The following STXBP3 variants were observed in gnomAD, a reference collection of about 807,000 sequenced individuals.
STXBP3 encodes the protein syntaxin-binding protein 3.
Under a neutral mutation model 85.7 loss-of-function variants are expected in STXBP3, and 41 were observed. The observed-to-expected ratio is 0.48, with a 90% CI of 0.37 to 0.62. The LOEUF (loss-of-function observed/expected upper bound fraction) is 0.62. STXBP3 is among the 20% of genes least tolerant of loss of function. STXBP3 has a pLI of 0.00. For synonymous variants in STXBP3, 229 were observed against 231.7 expected, an observed-to-expected ratio of 0.99 and a Z score of 0.10; for missense variants, 563 against 703.1, an observed-to-expected ratio of 0.80 and a Z score of 2.25.
At position 108,778,912 on chromosome 1, in the gene STXBP3, A is replaced by G. The variant is rs116580940; in HGVS notation, c.685-374A>G. Among the ~76,000 whole-genome samples, 1,143 of 152,292 alleles carry G rather than the reference A, an allele frequency of 7.5e-3. 13 individuals carry two copies. Among genetic ancestry groups the G allele is most frequent in the African/African-American group, 0.026 (1,093 of 41,568 alleles). On this transcript the variant is annotated intron_variant, in intron 8 of 18. Transcript: ENST00000370008. ...CATATCTGGAAAGTCAGCCCTTCAT[A>G]CACGCAGGTTTCACATCCTGCAAAT...
intron 6 of STXBP3, among the ~76,000 whole-genome samples, chr1:108,768,573 A>C (rs1435913455): frequency 6.6e-6 from 1 of 152,168 alleles, no homozygotes; most frequent in Non-Finnish European, 1.5e-5. Context: ...TAAGAGGTGA[A>C]GGAATGAAAG....
intron 11 of STXBP3, among the ~76,000 whole-genome samples, chr1:108,791,819 C>G (rs565110201): frequency 1.3e-5 from 2 of 152,266 alleles, no homozygotes; most frequent in Admixed American, 6.5e-5. Flanking sequence ...TTAACTCAGT[C>G]CCCATCCCCT....
chr1:108,771,628 CATATATAA>C (rs1166301376), intron 6 of STXBP3, among the ~76,000 whole-genome samples: 4 of 14,034 alleles, frequency 2.9e-4, no homozygotes, highest in African/African-American at 5.5e-4. Context: ...ATCTATATAT[CATATATAA>C]ATATATATGA....
intron 18 of STXBP3, among the ~76,000 whole-genome samples, chr1:108,807,864 A>T (rs1373279912): frequency 6.6e-6 from 1 of 152,170 alleles, no homozygotes; most frequent in African/African-American, 2.4e-5. Flanking sequence ...GACATGAGCC[A>T]CCGCACCCAG....
At position 108,807,431 on chromosome 1, in the gene STXBP3, A is replaced by G. The variant is rs1403667044; in HGVS notation, c.1566A>G (p.Leu522=). The change falls in exon 18 of 19, where the codon TTA becomes TTG. Residue 522 remains leucine (L), a synonymous_variant. Coordinates refer to ENST00000370008, the MANE Select transcript of STXBP3 (RefSeq NM_007269.4). ...GCCAGAAACCCAGAGCTAATTATTT[A>G]GAAGACCGAAAAAATGGGTCAAAGC... ...SARQKPRANY[L]EDRKNGSKLI... is the part of the protein sequence containing the mutation. 6.2e-7 allele frequency: 1 copy of G among 1,611,980 alleles called. No homozygotes were observed. Among genetic ancestry groups the G allele is most frequent in the South Asian group, 1.1e-5 (1 of 90,174 alleles).
chr1:108,791,986 G>A (rs990721750), intron 11 of STXBP3, among the ~76,000 whole-genome samples: 9 of 152,138 alleles, frequency 5.9e-5, no homozygotes, highest in South Asian at 2.1e-4. Context: ...TTATTGCTGA[G>A]TAGTATTCCA....
In STXBP3 at chr1:108,765,591, T is replaced by TTTTTTTTTC. The variant is rs796642937; in HGVS notation, c.438+5507_438+5508insTTTTTTTCT. 4.0e-4 allele frequency among the ~76,000 whole-genome samples: 49 copies of TTTTTTTTTC among 122,644 alleles called. 7 individuals are homozygous for TTTTTTTTTC. The highest frequency in any genetic ancestry group is 4.9e-4 in the South Asian group (2 of 4,092). 80.5% of individuals were successfully genotyped at this position (122,644 alleles called of 152,430 possible). ...GCTAATTTTTTTTTTTTTTTTTTTT[T>TTTTTTTTTC]TGAGACGGAGTCTCATTCCATCATC... On this transcript the variant is annotated intron_variant, in intron 6 of 18. Transcript: ENST00000370008.
chr1:108,795,504 G>GA (rs1049469356), intron 13 of STXBP3, among the ~76,000 whole-genome samples: 25 of 142,162 alleles, frequency 1.8e-4, no homozygotes, highest in Admixed American at 2.8e-4. Flanking sequence ...AAAAAAAAAA[G>GA]AAAAAAAAAA....
intron 1 of STXBP3, among the ~76,000 whole-genome samples, chr1:108,747,382 C>T (rs990273212): frequency 6.6e-6 from 1 of 152,142 alleles, no homozygotes; most frequent in Non-Finnish European, 1.5e-5. Context: ...CGGTGTCCAG[C>T]CGTGACATCT....
At chr1:108,771,071 T>A (rs1045860816) in intron 6 of STXBP3, among the ~76,000 whole-genome samples, 5 of 152,000 alleles carry the variant, frequency 3.3e-5, no homozygotes, top group African/African-American at 1.2e-4. Context: ...TTTGGTAATG[T>A]TGTGTTTCTC....
intron 11 of STXBP3, among the ~76,000 whole-genome samples, chr1:108,789,932 G>A (rs767432044): frequency 6.6e-6 from 1 of 151,052 alleles, no homozygotes; most frequent in Non-Finnish European, 1.5e-5. Flanking sequence ...CATGTGTGAT[G>A]GCACACACCT....
intron 2 of STXBP3, 143 bp from the exon 3 acceptor site, chr1:108,752,920 C>A: frequency 2.0e-6 from 1 of 503,704 alleles, no homozygotes; most frequent in Non-Finnish European, 3.5e-6. Flanking sequence ...CTAGCTCATG[C>A]AAGATAAAAG....
chr1:108,779,913 A>G (rs1662681447), intron 9 of STXBP3: 1 of 152,232 alleles, frequency 6.6e-6, no homozygotes, highest in Non-Finnish European at 1.5e-5. Flanking sequence ...TAATCTTGGT[A>G]TAAACATATT....
intron 15 of STXBP3, among the ~76,000 whole-genome samples, 153 bp downstream of exon 15, chr1:108,796,879 A>G (rs1216083225): frequency 1.3e-5 from 2 of 151,788 alleles, no homozygotes; most frequent in Admixed American, 6.6e-5. Flanking sequence ...TCTCTTTTCC[A>G]TATGTAATTT....
chr1:108,798,310 G>A (rs758205050), intron 16 of STXBP3, 73 bp downstream of exon 16: 101 of 1,213,372 alleles, frequency 8.3e-5, no homozygotes, highest in Admixed American at 2.4e-4. Context: ...TGTAGTTTAT[G>A]TCAGTCTGAG....
intron 15 of STXBP3, among the ~76,000 whole-genome samples, chr1:108,797,315 C>T (rs541051629): frequency 9.9e-4 from 145 of 146,858 alleles, no homozygotes; most frequent in Non-Finnish European, 1.7e-3. Flanking sequence ...CCACTGTACT[C>T]CAGCACAAAG....
chr1:108,762,271 TAAATC>T (rs2101108069), intron 6 of STXBP3, among the ~76,000 whole-genome samples: 1 of 152,344 alleles, frequency 6.6e-6, no homozygotes, highest in South Asian at 2.1e-4. Flanking sequence ...CAATCATGGT[TAAATC>T]AAGTAGGACT....
In STXBP3 at chr1:108,798,463, T is replaced by C. The variant is rs191698244; in HGVS notation, c.1449+226T>C. On this transcript the variant is annotated intron_variant, in intron 16 of 18. Coordinates refer to ENST00000370008, the MANE Select transcript of STXBP3 (RefSeq NM_007269.4). ...CAGAGTGTCACTCTATCACCCAGGC[T>C]GGAGTGCAGTGGCACAGTCTTGGCT... Among the ~76,000 whole-genome samples, 20 of 148,062 alleles carry C rather than the reference T, an allele frequency of 1.4e-4. No homozygotes were observed. In the Middle Eastern group the frequency reaches 0.01, roughly 76 times the overall value.
At chr1:108,747,149 A>ACTCTTCTCCGCT (rs1557797309) in intron 1 of STXBP3, among the ~76,000 whole-genome samples, 1 of 22,058 alleles carries the variant, frequency 4.5e-5, no homozygotes. Context: ...TCCGCGCTCC[A>ACTCTTCTCCGCT]CCAGTTGGGG....
Sources: allele counts gnomAD v4.1 joint callset (sites outside exome capture counted in the v4.1 genomes callset), GRCh38; gene constraint gnomAD v4.1.1; transcripts MANE v1.5; gene names NCBI Gene and HGNC (gene_info 2026-07-23, HGNC 2026-07-21).